The following CEACAM3 variants were observed in gnomAD, a reference collection of about 807,000 sequenced individuals.
CEACAM3 encodes CEA cell adhesion molecule 3, also known as cell adhesion molecule CEACAM3.
CEACAM3 carries 32 observed loss-of-function variants against 30.1 expected under a neutral mutation model. The observed-to-expected ratio is 1.06, with a 90% confidence interval of 0.80 to 1.43. CEACAM3 has a LOEUF of 1.43. Among genes scored for constraint, CEACAM3 ranks in the 40% most tolerant of loss-of-function variants. The probability of loss-of-function intolerance (pLI) is 0.00; values close to 1 mark genes in which losing one functional copy is unlikely to be tolerated. For missense variants in CEACAM3, 290 were observed against 316.3 expected (o/e 0.92, Z 0.63); for synonymous variants, 134 against 127.2 (o/e 1.05, Z -0.36).
chr19:41,798,739 G>T (rs2073123889), intron 2 of CEACAM3, among the ~76,000 whole-genome samples: 1 of 152,200 alleles, frequency 6.6e-6, no homozygotes, highest in Non-Finnish European at 1.5e-5. Context: ...AGGCAAATAA[G>T]CATAGATGCT....
intron 1 of CEACAM3, 64 bp downstream of exon 1, chr19:41,796,805 G>A: frequency 6.5e-7 from 1 of 1,531,108 alleles, no homozygotes; most frequent in Non-Finnish European, 8.8e-7. Context: ...GGGGTCTCCT[G>A]GGGAGGATGG....
chr19:41,804,194 G>A (rs117457389), intron 2 of CEACAM3, among the ~76,000 whole-genome samples: 1,732 of 152,290 alleles, frequency 0.011, 13 homozygotes, highest in Non-Finnish European at 0.019. Context: ...TAACATACAT[G>A]TAATGGGAAT....
At chr19:41,802,146 C>T (rs1260922228) in intron 2 of CEACAM3, among the ~76,000 whole-genome samples, 2 of 152,146 alleles carry the variant, frequency 1.3e-5, no homozygotes, top group Non-Finnish European at 2.9e-5. Flanking sequence ...CAATGACTCA[C>T]CAGGGGTCAG....
chr19:41,799,424 G>A (rs931312916), intron 2 of CEACAM3, among the ~76,000 whole-genome samples: 1 of 152,126 alleles, frequency 6.6e-6, no homozygotes, highest in African/African-American at 2.4e-5. Context: ...CCGAGCAGAC[G>A]CTGGTGCCAT....
intron 2 of CEACAM3, among the ~76,000 whole-genome samples, chr19:41,801,402 C>T (rs1341317707): frequency 6.6e-6 from 1 of 152,228 alleles, no homozygotes; most frequent in Non-Finnish European, 1.5e-5. Flanking sequence ...TGGAAAAGGC[C>T]ACAGGACAGG....
chr19:41,797,062 A>G (rs1278489959), intron 1 of CEACAM3: 1 of 291,846 alleles, frequency 3.4e-6, no homozygotes, highest in Non-Finnish European at 6.4e-6. Flanking sequence ...GTCTTTGACC[A>G]CCAACCACAA....
chr19:41,810,141 A>G (rs1053666198), intron 4 of CEACAM3, 124 bp downstream of exon 4: 1 of 1,301,960 alleles, frequency 7.7e-7, no homozygotes, highest in Non-Finnish European at 1.1e-6. Flanking sequence ...AGGATCTCAT[A>G]AAACATCACA....
chr19:41,810,047 G>A (rs1555827367), intron 4 of CEACAM3, 30 bp downstream of exon 4: 5 of 1,610,372 alleles, frequency 3.1e-6, no homozygotes, highest in Non-Finnish European at 3.4e-6. Context: ...AGGTGTGGCT[G>A]GGAACCCCTA....
chr19:41,806,557 A>G (rs529721478), intron 2 of CEACAM3, among the ~76,000 whole-genome samples: 1 of 152,174 alleles, frequency 6.6e-6, no homozygotes, highest in African/African-American at 2.4e-5. Context: ...CTTAATTCAC[A>G]GTTGAGAAAG....
chr19:41,809,865 C>T (rs1568744065), intron 3 of CEACAM3, 100 bp from the exon 4 acceptor site: 2 of 1,172,640 alleles, frequency 1.7e-6, no homozygotes, highest in Non-Finnish European at 1.3e-6. Context: ...GGTCTCCATG[C>T]CCATCCTTGA....
rs1555825347 is a variant in CEACAM3 at position 41,797,539 on chromosome 19, C to T, written c.65-50C>T. 4 of 1,570,850 alleles carry T rather than the reference C, an allele frequency of 2.5e-6. No homozygotes were observed. In the South Asian group the frequency reaches 4.8e-5, roughly 19 times the overall value. On this transcript the variant is annotated intron_variant, in intron 1 of 6. Transcript: ENST00000357396. ...TCTCAGGACCCAGGGCCCCATCTTTCCATCCCAATACATGGGTCCCAATAT... is the reference window on the plus strand; with the variant it reads ...TCTCAGGACCCAGGGCCCCATCTTTTCATCCCAATACATGGGTCCCAATAT...
intron 2 of CEACAM3, among the ~76,000 whole-genome samples, chr19:41,807,932 C>T (rs2073216657): frequency 6.6e-6 from 1 of 152,228 alleles, no homozygotes; most frequent in Admixed American, 6.5e-5. Flanking sequence ...TCTTTATCCC[C>T]AACATCGCAG....
chr19:41,806,312 G>A (rs1600520715), intron 2 of CEACAM3, among the ~76,000 whole-genome samples: 2 of 152,144 alleles, frequency 1.3e-5, no homozygotes, highest in Non-Finnish European at 2.9e-5. Flanking sequence ...TTACAGGTGT[G>A]AGCCACCGCA....
At chr19:41,810,158 AC>A in intron 4 of CEACAM3, 141 bp downstream of exon 4, 2 of 1,263,042 alleles carry the variant, frequency 1.6e-6, no homozygotes, top group Non-Finnish European at 2.3e-6. Flanking sequence ...CACACAGGGG[AC>A]CCCAATTGCT....
At chr19:41,810,995 C>A in intron 6 of CEACAM3, 98 bp downstream of exon 6, 1 of 1,344,042 alleles carries the variant, frequency 7.4e-7, no homozygotes, top group Non-Finnish European at 1.0e-6. Flanking sequence ...CAGGAAACTG[C>A]TGTGAAAATA....
At chr19:41,810,706 C>T (rs1263233364) in intron 5 of CEACAM3, 126 bp from the exon 6 acceptor site, 3 of 909,094 alleles carry the variant, frequency 3.3e-6, no homozygotes, top group Non-Finnish European at 5.3e-6. Flanking sequence ...AGGCTGAGCT[C>T]AGGGGCAGAG....
intron 1 of CEACAM3, among the ~76,000 whole-genome samples, 162 bp downstream of exon 1, chr19:41,796,903 T>C (rs1458014276): frequency 1.3e-5 from 2 of 152,282 alleles, no homozygotes; most frequent in Middle Eastern, 3.4e-3. Flanking sequence ...GACAATCACA[T>C]TGAACTGGGA....
chr19:41,807,136 C>A, intron 2 of CEACAM3: 1 of 1,595,908 alleles, frequency 6.3e-7, no homozygotes, highest in Non-Finnish European at 8.6e-7. Flanking sequence ...CCTCCATCTC[C>A]AGCAACAACT....
Position 41,810,867 on chromosome 19 carries a change from C to T in CEACAM3, c.663C>T (p.Pro221=). Residue 221 remains proline, a synonymous_variant, in exon 6 of 7, where the codon CCC becomes CCT. Coordinates refer to ENST00000357396, the MANE Select transcript of CEACAM3 (RefSeq NM_001815.5). The stretch of plus-strand genomic sequence containing the variant: ...TCTCCACTGCCCAGGCCCCCCTACC[C>T]AACCCCAGGACAGCAGCTTCCATCT... ...SPLSTAQAPL[P]NPRTAASIYE... The T allele has an allele frequency of 6.2e-7, 1 of 1,613,666 alleles. No homozygotes were observed. Among genetic ancestry groups the T allele is most frequent in the African/African-American group, 1.3e-5 (1 of 75,008 alleles).
Sources: allele counts gnomAD v4.1 joint callset (sites outside exome capture counted in the v4.1 genomes callset), GRCh38; gene constraint gnomAD v4.1.1; transcripts MANE v1.5; gene names NCBI Gene and HGNC (gene_info 2026-07-23, HGNC 2026-07-21).